The following GRIN2A variants were observed in gnomAD, a reference collection of about 807,000 sequenced individuals.
The protein encoded by GRIN2A is glutamate receptor ionotropic, NMDA 2A.
In GRIN2A, 22 loss-of-function variants were observed where a neutral mutation model predicts 113.4. The ratio of observed to expected loss-of-function variants is 0.19; its 90% CI spans 0.14 to 0.28. GRIN2A has a LOEUF of 0.28. Among genes scored for constraint, GRIN2A ranks in the 10% least tolerant of loss-of-function variants. GRIN2A has a pLI of 1.00. For missense variants in GRIN2A, 1,502 were observed against 1,887.0 expected (o/e 0.80, Z 3.78); for synonymous variants, 827 against 738.4 (o/e 1.12, Z -1.94).
chr16:9,856,447 C>T (rs890594471), intron 4 of GRIN2A, among the ~76,000 whole-genome samples: 2 of 151,430 alleles, frequency 1.3e-5, no homozygotes, highest in South Asian at 2.1e-4. Context: ...GGTGAAACCC[C>T]GTCTCTACTA....
At chr16:9,954,848 AAT>A (rs1489997773) in intron 2 of GRIN2A, among the ~76,000 whole-genome samples, 7 of 152,222 alleles carry the variant, frequency 4.6e-5, no homozygotes, top group African/African-American at 1.2e-4. Flanking sequence ...TCCAGAATTC[AAT>A]ATGAGTCAAA....
intron 2 of GRIN2A, among the ~76,000 whole-genome samples, chr16:10,039,300 G>A (rs532360938): frequency 1.5e-4 from 23 of 152,298 alleles, no homozygotes; most frequent in African/African-American, 5.5e-4. Flanking sequence ...ACTCAAAGGC[G>A]AATGCGAATG....
rs541120558 is a variant in GRIN2A at position 9,955,006 on chromosome 16, T to A, written c.415-16455A>T. On this transcript the variant is annotated intron_variant, in intron 2 of 12. Transcript: ENST00000330684. ...TCCATCACCTGGGATCAGACTGTACTTATTCTACAGACTGTCTGAAGTTGG... is the reference window on the plus strand; with the variant it reads ...TCCATCACCTGGGATCAGACTGTACATATTCTACAGACTGTCTGAAGTTGG... Among the ~76,000 whole-genome samples the A allele has an allele frequency of 3.9e-5, 6 of 152,308 alleles. No homozygotes were observed. In the South Asian group the frequency reaches 1.0e-3, roughly 26 times the overall value.
chr16:10,096,597 T>G (rs1198138999), intron 2 of GRIN2A, among the ~76,000 whole-genome samples: 1 of 149,572 alleles, frequency 6.7e-6, no homozygotes, highest in Admixed American at 6.7e-5. Flanking sequence ...CCGGTCAGCA[T>G]AGACTTCCAG....
chr16:9,848,223 T>G (rs1028326554), intron 5 of GRIN2A, among the ~76,000 whole-genome samples: 3 of 150,738 alleles, frequency 2.0e-5, no homozygotes, highest in Admixed American at 2.0e-4. Flanking sequence ...TTCATTTATT[T>G]ATTTATTTTT....
At chr16:10,047,139 G>A (rs1246982498) in intron 2 of GRIN2A, among the ~76,000 whole-genome samples, 1 of 152,186 alleles carries the variant, frequency 6.6e-6, no homozygotes, top group East Asian at 1.9e-4. Flanking sequence ...AACCATTGGT[G>A]TACACCCTGG....
chr16:10,114,053 A>C (rs1214942316), intron 2 of GRIN2A, among the ~76,000 whole-genome samples: 1 of 152,040 alleles, frequency 6.6e-6, no homozygotes, highest in African/African-American at 2.4e-5. Flanking sequence ...TTAGCCATGC[A>C]TGGTGGTGTG....
intron 10 of GRIN2A, among the ~76,000 whole-genome samples, chr16:9,810,019 G>T (rs1261989583): frequency 6.6e-6 from 1 of 152,164 alleles, no homozygotes; most frequent in Admixed American, 6.5e-5. Context: ...AGTGGGCCGA[G>T]ATCGCGCCGT....
intron 2 of GRIN2A, 105 bp downstream of exon 2, chr16:10,179,893 C>CCAAAAAAAAAA: frequency 1.4e-6 from 1 of 719,818 alleles, no homozygotes; most frequent in Non-Finnish European, 2.4e-6. Flanking sequence ...CCCCCACCCC[C>CCAAAAAAAAAA]ACTTCACATC....
chr16:9,986,313 A>G (rs947518318), intron 2 of GRIN2A, among the ~76,000 whole-genome samples: 1 of 152,258 alleles, frequency 6.6e-6, no homozygotes, highest in Non-Finnish European at 1.5e-5. Context: ...AACAAAATGT[A>G]TATACAAGCC....
chr16:10,000,669 CA>C (rs761351519), intron 2 of GRIN2A, among the ~76,000 whole-genome samples: 2 of 152,094 alleles, frequency 1.3e-5, no homozygotes, highest in South Asian at 2.1e-4. Flanking sequence ...TTAAGGAAGA[CA>C]AAAAAACAAA....
chr16:10,052,706 A>C (rs910515770), intron 2 of GRIN2A, among the ~76,000 whole-genome samples: 7 of 152,154 alleles, frequency 4.6e-5, no homozygotes, highest in Non-Finnish European at 8.8e-5. Flanking sequence ...AATTCCACCC[A>C]AACTGGGAGC....
intron 2 of GRIN2A, among the ~76,000 whole-genome samples, chr16:10,138,690 C>A (rs2049255935): frequency 6.6e-6 from 1 of 152,098 alleles, no homozygotes; most frequent in South Asian, 2.1e-4. Flanking sequence ...TCAGTTTTCC[C>A]ATCTGTCAAG....
chr16:10,047,059 C>T (rs924594873), intron 2 of GRIN2A, among the ~76,000 whole-genome samples: 4 of 152,168 alleles, frequency 2.6e-5, no homozygotes, highest in Non-Finnish European at 5.9e-5. Flanking sequence ...TCATGACAAC[C>T]AAAGCTGTCT....
chr16:10,096,539 AACACACAC>A lies in GRIN2A; in HGVS notation c.414+83451_414+83458del, dbSNP rs59351819. Among the ~76,000 whole-genome samples, 7 of 137,668 alleles carry A rather than the reference AACACACAC, an allele frequency of 5.1e-5. No homozygotes were observed. In the East Asian group the frequency reaches 6.7e-4, roughly 13 times the overall value. 90.3% of individuals were successfully genotyped at this position (137,668 alleles called of 152,430 possible). A position where few individuals can be genotyped will look rare whatever the true frequency, so the allele number is the denominator to read the frequency against. Reference sequence around the variant, plus strand: ...TTCAATTTTTTTTAAATTGTGGTAAAACACACACACACACACACACACACACACACACA... The same window carrying A: ...TTCAATTTTTTTTAAATTGTGGTAAAACACACACACACACACACACACACA... On this transcript the variant is annotated intron_variant, in intron 2 of 12. Coordinates refer to ENST00000330684, the MANE Select transcript of GRIN2A (RefSeq NM_001134407.3).
intron 2 of GRIN2A, among the ~76,000 whole-genome samples, chr16:10,151,696 C>G (rs2049578268): frequency 6.6e-6 from 1 of 152,148 alleles, no homozygotes; most frequent in Non-Finnish European, 1.5e-5. Context: ...ACAACCACTA[C>G]CATCTTGTGT....
chr16:10,136,302 C>T (rs577407862), intron 2 of GRIN2A, among the ~76,000 whole-genome samples: 40 of 152,022 alleles, frequency 2.6e-4, no homozygotes, highest in Admixed American at 9.2e-4. Context: ...CAGATGAAGG[C>T]GAAAACAACT....
At chr16:10,112,658 G>A in intron 2 of GRIN2A, 3 of 764,420 alleles carry the variant, frequency 3.9e-6, no homozygotes, top group Non-Finnish European at 7.2e-6. Context: ...GCAGCAGCCA[G>A]AAACGATACT....
intron 2 of GRIN2A, among the ~76,000 whole-genome samples, chr16:10,031,824 C>T (rs1385461646): frequency 6.6e-6 from 1 of 152,268 alleles, no homozygotes; most frequent in Non-Finnish European, 1.5e-5. Flanking sequence ...ACCTCCTTCA[C>T]TCTTACCCTC....
Sources: allele counts gnomAD v4.1 joint callset (sites outside exome capture counted in the v4.1 genomes callset), GRCh38; gene constraint gnomAD v4.1.1; transcripts MANE v1.5; gene names NCBI Gene and HGNC (gene_info 2026-07-23, HGNC 2026-07-21).